The following KDM1B variants were observed in gnomAD, a reference collection of about 807,000 sequenced individuals.
KDM1B encodes lysine demethylase 1B, also known as lysine-specific histone demethylase 2.
In KDM1B, 63 loss-of-function variants were observed where a neutral mutation model predicts 107.4. The observed-to-expected ratio is 0.59, with a 90% CI of 0.48 to 0.72. The LOEUF is 0.72. Ranked by LOEUF, KDM1B falls within the 30% of genes least tolerant of loss-of-function variation. The pLI, the probability that KDM1B is intolerant of heterozygous loss-of-function variation, is 0.00. For synonymous variants in KDM1B, 363 were observed against 363.9 expected, an observed-to-expected ratio of 1.00 and a Z score of 0.03; for missense variants, 749 against 1,020.8, an observed-to-expected ratio of 0.73 and a Z score of 3.63.
chr6:18,170,000 C>T (rs1204622295), intron 6 of KDM1B, among the ~76,000 whole-genome samples: 1 of 25,946 alleles, frequency 3.9e-5, no homozygotes, highest in Non-Finnish European at 8.2e-5. Flanking sequence ...ACCTCCACCT[C>T]CCAGTTCAAG....
intron 21 of KDM1B, among the ~76,000 whole-genome samples, chr6:18,219,150 C>T (rs915223319): frequency 8.5e-5 from 13 of 152,302 alleles, no homozygotes; most frequent in African/African-American, 3.1e-4. Context: ...GATCTGCCTG[C>T]CTCAGCCTCC....
intron 7 of KDM1B, 34 bp downstream of exon 7, chr6:18,171,513 ATAT>A (rs368874589): frequency 5.9e-5 from 62 of 1,051,646 alleles, no homozygotes; most frequent in Middle Eastern, 4.0e-4. Context: ...GTTAATTGAT[ATAT>A]TAATGTAGTC....
At chr6:18,188,735 T>C (rs1307398292) in intron 9 of KDM1B, among the ~76,000 whole-genome samples, 1 of 151,870 alleles carries the variant, frequency 6.6e-6, no homozygotes, top group East Asian at 1.9e-4. Context: ...TGCCTCAGTC[T>C]CCTGAGTAGC....
In KDM1B at chr6:18,162,779, A is replaced by G; in HGVS notation, c.216-56A>G. 9.9e-7 allele frequency: 1 copy of G among 1,006,434 alleles called. No individual in the cohort carries two copies. Among genetic ancestry groups the G allele is most frequent in the Non-Finnish European group, 1.6e-6 (1 of 631,048 alleles). 62.3% of individuals were successfully genotyped at this position (1,006,434 alleles called of 1,614,324 possible). ...GTGCTTGCAAGATGTTTTTTAAAAA[A>G]TGGGAGGAGAAATGTTTATTCATTA... On this transcript the variant is annotated intron_variant, in intron 4 of 21. Transcript: ENST00000650836. The surrounding 1 kb of genome is among the most constrained non-coding windows in gnomAD (Gnocchi z 4.1).
At chr6:18,161,704 C>T (rs1361648906) in intron 4 of KDM1B, among the ~76,000 whole-genome samples, 2 of 152,118 alleles carry the variant, frequency 1.3e-5, no homozygotes, top group Non-Finnish European at 2.9e-5. Flanking sequence ...TCAAATCCAG[C>T]CAACCATATC....
rs1788634764 is a variant in KDM1B, at chr6:18,209,159, G to A, written c.1866+953G>A. ...TAAACAGCTTTATAGTAGGTGAACAGTACAAGGTACTGCTGAATCAAATAC... is the reference window on the plus strand; with the variant it reads ...TAAACAGCTTTATAGTAGGTGAACAATACAAGGTACTGCTGAATCAAATAC... On this transcript the variant is annotated intron_variant, in intron 17 of 21. Transcript: ENST00000650836. The surrounding 1 kb of genome is among the most constrained non-coding windows in gnomAD (Gnocchi z 4.3). 6.6e-6 allele frequency among the ~76,000 whole-genome samples: 1 copy of A among 152,118 alleles called. No homozygotes were observed. Among genetic ancestry groups the A allele is most frequent in the South Asian group, 2.1e-4 (1 of 4,826 alleles).
intron 17 of KDM1B, among the ~76,000 whole-genome samples, chr6:18,210,456 T>C (rs1788784901): frequency 6.7e-6 from 1 of 149,434 alleles, no homozygotes; most frequent in Admixed American, 6.8e-5. Flanking sequence ...CTCCTGGGCT[T>C]GAGCAGTGCT....
Position 18,213,059 on chromosome 6 carries a change from T to G in KDM1B, c.1983+455T>G, listed in dbSNP as rs901940200. Among the ~76,000 whole-genome samples the G allele has an allele frequency of 1.3e-5, 2 of 152,102 alleles. No individual in the cohort carries two copies. The highest frequency in any genetic ancestry group is 2.9e-5 in the Non-Finnish European group (2 of 68,006). ...GGGACATACGCCCAGGAGTGAGTCT[T>G]AGGAATGCTGGGCATCTTCAGACTA... On this transcript the variant is annotated intron_variant, in intron 18 of 21. Transcript: ENST00000650836. This position sits in a 1 kb window ranked among gnomAD's most constrained non-coding sequence, Gnocchi z 5.9.
intron 7 of KDM1B, among the ~76,000 whole-genome samples, chr6:18,177,802 T>C (rs1786126057): frequency 1.3e-5 from 2 of 152,130 alleles, no homozygotes; most frequent in South Asian, 2.1e-4. Context: ...AAAGTTTTAA[T>C]TGGGACATAG....
At chr6:18,180,612 C>A (rs1183619378) in intron 7 of KDM1B, among the ~76,000 whole-genome samples, 1 of 152,160 alleles carries the variant, frequency 6.6e-6, no homozygotes, top group Non-Finnish European at 1.5e-5. Context: ...ATTGCCCAGG[C>A]TGGAGTGCGG....
intron 10 of KDM1B, among the ~76,000 whole-genome samples, chr6:18,194,792 C>T (rs565831915): frequency 3.3e-5 from 5 of 152,204 alleles, no homozygotes; most frequent in African/African-American, 4.8e-5. Flanking sequence ...CATGAGCCAC[C>T]GTGCCTAGCC....
In KDM1B at chr6:18,209,426, G is replaced by A. The variant is rs922703474; in HGVS notation, c.1866+1220G>A. Among the ~76,000 whole-genome samples, 2 of 152,190 alleles carry A rather than the reference G, an allele frequency of 1.3e-5. No individual in the cohort carries two copies. Among genetic ancestry groups the A allele is most frequent in the African/African-American group, 4.8e-5 (2 of 41,448 alleles). ...AAAGGACTGCATGTCACATGGGAAA[G>A]ACAGGTCTAGGGAATGAGTTAGTCG... On this transcript the variant is annotated intron_variant, in intron 17 of 21. Coordinates refer to ENST00000650836, the MANE Select transcript of KDM1B (RefSeq NM_001364614.2). This position sits in a 1 kb window ranked among gnomAD's most constrained non-coding sequence, Gnocchi z 4.3.
At chr6:18,165,128 A>AT (rs35906579) in intron 5 of KDM1B, among the ~76,000 whole-genome samples, 7,650 of 80,980 alleles carry the variant, frequency 0.094, 1,312 homozygotes, top group Middle Eastern at 0.2. Flanking sequence ...GCCTTCTCTG[A>AT]TTTTTTTTTT....
intron 7 of KDM1B, among the ~76,000 whole-genome samples, chr6:18,182,061 AC>A (rs1470402816): frequency 6.6e-6 from 1 of 151,956 alleles, no homozygotes; most frequent in Non-Finnish European, 1.5e-5. Flanking sequence ...TTGATTTGAA[AC>A]CTGGCTGGCT....
intron 7 of KDM1B, among the ~76,000 whole-genome samples, chr6:18,174,656 A>G (rs1395152881): frequency 1.3e-5 from 2 of 150,194 alleles, no homozygotes; most frequent in African/African-American, 4.9e-5. Context: ...TGTGTCATTC[A>G]TATGCCTTTG....
chr6:18,184,422 G>A (rs975846073), intron 7 of KDM1B, among the ~76,000 whole-genome samples: 22 of 151,442 alleles, frequency 1.5e-4, no homozygotes, highest in African/African-American at 5.1e-4. Flanking sequence ...TTACAGGTGC[G>A]CACCACCATG....
At chr6:18,156,114 C>T (rs1031073935) in intron 2 of KDM1B, among the ~76,000 whole-genome samples, 188 bp downstream of exon 2, 15 of 152,288 alleles carry the variant, frequency 9.8e-5, no homozygotes, top group African/African-American at 3.1e-4. Flanking sequence ...AGGGTGCGGC[C>T]AGGAGCCCGC....
intron 10 of KDM1B, among the ~76,000 whole-genome samples, chr6:18,196,009 G>A (rs1262330927): frequency 1.3e-5 from 2 of 151,852 alleles, no homozygotes; most frequent in African/African-American, 2.4e-5. Flanking sequence ...CCTCAGCCCC[G>A]GTAATGCCCA....
At chr6:18,210,556 T>C (rs1788792033) in intron 17 of KDM1B, among the ~76,000 whole-genome samples, 1 of 151,834 alleles carries the variant, frequency 6.6e-6, no homozygotes, top group Non-Finnish European at 1.5e-5. Flanking sequence ...AGACAGTGTT[T>C]CCCTATGTTG....
Sources: allele counts gnomAD v4.1 joint callset (sites outside exome capture counted in the v4.1 genomes callset), GRCh38; gene constraint gnomAD v4.1.1; non-coding constraint Gnocchi (gnomAD v3.1); transcripts MANE v1.5; gene names NCBI Gene and HGNC (gene_info 2026-07-23, HGNC 2026-07-21).